Variants in PTPRN2 observed in about 807,000 individuals in gnomAD.
PTPRN2 encodes the protein protein tyrosine phosphatase receptor type N2, also known as receptor-type tyrosine-protein phosphatase N2.
In PTPRN2, 74 loss-of-function variants were observed where a neutral mutation model predicts 118.8. The observed-to-expected ratio is 0.62, with a 90% CI of 0.52 to 0.76. The LOEUF is 0.76. Ranked by LOEUF, PTPRN2 falls within the 30% of genes least tolerant of loss-of-function variation. PTPRN2 has a pLI of 0.00. For synonymous variants in PTPRN2, 641 were observed against 608.0 expected, an observed-to-expected ratio of 1.05 and a Z score of -0.80; for missense variants, 1,481 against 1,394.4, an observed-to-expected ratio of 1.06 and a Z score of -0.99.
chr7:158,256,793 A>C (rs754569805), intron 3 of PTPRN2, among the ~76,000 whole-genome samples: 7 of 152,242 alleles, frequency 4.6e-5, no homozygotes, highest in Non-Finnish European at 7.3e-5. Flanking sequence ...AATAAAATTT[A>C]TCTTTCTTGG....
chr7:157,637,064 TACA>T (rs1325320192), intron 14 of PTPRN2, among the ~76,000 whole-genome samples: 2 of 152,258 alleles, frequency 1.3e-5, no homozygotes, highest in African/African-American at 4.8e-5. Context: ...ATATTTGTTC[TACA>T]ACATTTTTTT....
chr7:157,578,222 A>T, intron 17 of PTPRN2, 82 bp from the exon 18 acceptor site: 1 of 1,443,864 alleles, frequency 6.9e-7, no homozygotes, highest in African/African-American at 1.4e-5. Flanking sequence ...TCGGAAGCAC[A>T]GTCCAAATTT....
At chr7:158,019,669 T>C (rs1022841983) in intron 11 of PTPRN2, among the ~76,000 whole-genome samples, 9 of 152,212 alleles carry the variant, frequency 5.9e-5, no homozygotes, top group African/African-American at 2.2e-4. Context: ...AACCAGGCTG[T>C]AGAGTTAGTG....
rs1805263314 is a variant in PTPRN2 at position 157,801,063 on chromosome 7, A to G, written c.1788+97610T>C. 6.7e-6 allele frequency among the ~76,000 whole-genome samples: 1 copy of G among 149,154 alleles called. No individual in the cohort carries two copies. The highest frequency in any genetic ancestry group is 1.5e-5 in the Non-Finnish European group (1 of 66,924). ...TATATACACATATATACACATATAT[A>G]TACACATATATATACACACACACAC... On this transcript the variant is annotated intron_variant, in intron 12 of 22. Transcript: ENST00000389418. The surrounding 1 kb of genome is among the most constrained non-coding windows in gnomAD (Gnocchi z 4.2).
At chr7:157,855,820 G>A (rs1185001464) in intron 12 of PTPRN2, 2 of 152,214 alleles carry the variant, frequency 1.3e-5, no homozygotes, top group Non-Finnish European at 2.9e-5. Flanking sequence ...ATGATTTAAT[G>A]AACTTTCCTC....
At chr7:158,289,193 G>T (rs1799950406) in intron 3 of PTPRN2, among the ~76,000 whole-genome samples, 2 of 152,108 alleles carry the variant, frequency 1.3e-5, no homozygotes, top group South Asian at 4.1e-4. Context: ...TGATCTTCCT[G>T]TACCTAGATA....
chr7:158,226,210 AAG>A (rs1478054330), intron 3 of PTPRN2, among the ~76,000 whole-genome samples: 11 of 152,338 alleles, frequency 7.2e-5, no homozygotes, highest in African/African-American at 2.4e-4. Flanking sequence ...GGCATTCAAT[AAG>A]AGTTACAAAA....
chr7:157,544,995 T>G (rs891425506), intron 22 of PTPRN2, among the ~76,000 whole-genome samples: 1 of 146,524 alleles, frequency 6.8e-6, no homozygotes, highest in African/African-American at 2.6e-5. Flanking sequence ...TGTGTGGGTG[T>G]GCAGGGTCCA....
intron 3 of PTPRN2, among the ~76,000 whole-genome samples, chr7:158,312,639 TTTCC>T (rs1311467698): frequency 2.0e-5 from 3 of 149,886 alleles, no homozygotes; most frequent in Non-Finnish European, 4.4e-5. Context: ...TTTGAGATTC[TTTCC>T]TTCAAGTGTG....
intron 12 of PTPRN2, among the ~76,000 whole-genome samples, chr7:157,771,674 CACAG>C (rs765844952): frequency 1.3e-3 from 196 of 152,204 alleles, no homozygotes; most frequent in Admixed American, 3.4e-3. Flanking sequence ...CACACAAACA[CACAG>C]ACACACATGC....
intron 13 of PTPRN2, among the ~76,000 whole-genome samples, chr7:157,665,435 C>T (rs1383433552): frequency 2.6e-5 from 4 of 152,204 alleles, no homozygotes; most frequent in African/African-American, 7.2e-5. Flanking sequence ...GATTTAGCTG[C>T]GATGTCGGCG....
At chr7:158,325,759 A>C (rs1173914595) in intron 2 of PTPRN2, among the ~76,000 whole-genome samples, 1 of 152,202 alleles carries the variant, frequency 6.6e-6, no homozygotes, top group African/African-American at 2.4e-5. Context: ...CGGAGCAAGC[A>C]CTAGCACGTT....
intron 14 of PTPRN2, among the ~76,000 whole-genome samples, chr7:157,645,777 G>A (rs1040410676): frequency 2.0e-5 from 3 of 152,184 alleles, no homozygotes; most frequent in African/African-American, 7.2e-5. Context: ...CCCGGTGTGG[G>A]TGGGCACCCC....
chr7:157,789,192 G>A (rs912318051), intron 12 of PTPRN2, among the ~76,000 whole-genome samples: 2 of 152,190 alleles, frequency 1.3e-5, no homozygotes, highest in African/African-American at 2.4e-5. Context: ...AGATGCTTCC[G>A]GGATGAATTT....
chr7:157,695,330 G>A (rs1451638610), intron 12 of PTPRN2, among the ~76,000 whole-genome samples: 3 of 152,066 alleles, frequency 2.0e-5, no homozygotes, highest in African/African-American at 7.2e-5. Flanking sequence ...AAACACCTGA[G>A]ACTCTTGATT....
At chr7:158,245,989 T>A (rs192510277) in intron 3 of PTPRN2, among the ~76,000 whole-genome samples, 2 of 151,880 alleles carry the variant, frequency 1.3e-5, no homozygotes, top group African/African-American at 4.8e-5. Flanking sequence ...CAGGGCCTGG[T>A]TGGCAGCAGC....
At chr7:158,252,950 G>C (rs12672419) in intron 3 of PTPRN2, among the ~76,000 whole-genome samples, 1 of 151,830 alleles carries the variant, frequency 6.6e-6, no homozygotes, top group South Asian at 2.1e-4. Context: ...TTGGGCTGGC[G>C]GAGTGAGAGT....
At chr7:158,344,155 G>A (rs980530819) in intron 2 of PTPRN2, among the ~76,000 whole-genome samples, 5 of 152,086 alleles carry the variant, frequency 3.3e-5, no homozygotes, top group Admixed American at 6.6e-5. Flanking sequence ...CCGTGACAAC[G>A]AGCAGCAAAG....
chr7:157,642,839 A>AAAAAAAAAAAAAAAAAT (rs1563293062), intron 14 of PTPRN2, among the ~76,000 whole-genome samples: 1 of 148,344 alleles, frequency 6.7e-6, no homozygotes, highest in Non-Finnish European at 1.5e-5. Flanking sequence ...AAAAAAAAAA[A>AAAAAAAAAAAAAAAAAT]AAAAAGCAGC....
Sources: gnomAD v4.1 joint callset for allele counts (sites outside exome capture counted in the v4.1 genomes callset) on GRCh38, gnomAD v4.1.1 for gene constraint, Gnocchi (gnomAD v3.1) non-coding constraint, MANE v1.5 for transcripts, NCBI Gene and HGNC (gene_info 2026-07-23, HGNC 2026-07-21) for gene names.